The following ARHGAP10 variants were observed in gnomAD, a reference collection of about 807,000 sequenced individuals.
ARHGAP10 encodes rho GTPase-activating protein 10.
In ARHGAP10, 87 loss-of-function variants were observed where a neutral mutation model predicts 108.6. That is an observed-to-expected ratio of 0.80 (90% CI 0.67 to 0.96). The LOEUF (loss-of-function observed/expected upper bound fraction) is 0.96, where lower values mean the gene tolerates loss of function less well. Ranked by LOEUF, ARHGAP10 falls within the 40% of genes least tolerant of loss-of-function variation. The probability of loss-of-function intolerance (pLI) is 0.00; values close to 1 mark genes in which losing one functional copy is unlikely to be tolerated. For synonymous variants in ARHGAP10, 347 were observed against 341.1 expected (o/e 1.02, Z -0.19); for missense variants, 939 against 954.5 (o/e 0.98, Z 0.21).
intron 10 of ARHGAP10, among the ~76,000 whole-genome samples, chr4:147,899,874 G>C (rs62330738): frequency 3.3e-5 from 2 of 61,106 alleles, no homozygotes; most frequent in Non-Finnish European, 1.1e-4. Flanking sequence ...GTTACGTGCT[G>C]GGTTTTTTTT....
chr4:147,995,440 G>A (rs1026605974), intron 18 of ARHGAP10, among the ~76,000 whole-genome samples: 3 of 152,200 alleles, frequency 2.0e-5, no homozygotes, highest in African/African-American at 7.2e-5. Context: ...AGTGTGGAGT[G>A]TGGGAGGAGT....
intron 1 of ARHGAP10, among the ~76,000 whole-genome samples, chr4:147,784,467 AATTTAT>A (rs1211065242): frequency 1.5e-4 from 19 of 124,314 alleles, no homozygotes; most frequent in African/African-American, 3.7e-4. Context: ...TATATTATAT[AATTTAT>A]ATTTATATAT....
At chr4:147,955,510 T>C (rs1738758631) in intron 16 of ARHGAP10, 136 bp downstream of exon 16, 1 of 711,998 alleles carries the variant, frequency 1.4e-6, no homozygotes, top group Non-Finnish European at 2.4e-6. Flanking sequence ...TGATGTTTGG[T>C]GCCTCCCCTC....
chr4:147,979,231 A>G (rs1314833029), intron 18 of ARHGAP10, among the ~76,000 whole-genome samples: 1 of 152,200 alleles, frequency 6.6e-6, no homozygotes, highest in Non-Finnish European at 1.5e-5. Context: ...TTTATTGTAT[A>G]TGATGAGAGG....
chr4:147,859,884 A>T (rs1266375368), intron 5 of ARHGAP10, among the ~76,000 whole-genome samples: 2 of 152,182 alleles, frequency 1.3e-5, no homozygotes, highest in Non-Finnish European at 2.9e-5. Context: ...ACACTTTTTA[A>T]TCTTGCTCTG....
chr4:147,996,145 TTCCACAAAGGTACAGTC>T (rs1359462546), intron 18 of ARHGAP10, among the ~76,000 whole-genome samples: 1 of 152,162 alleles, frequency 6.6e-6, no homozygotes, highest in Non-Finnish European at 1.5e-5. Flanking sequence ...GACTTGCAAC[TTCCACAAAGGTACAGTC>T]TCCTCCTGAT....
At position 147,914,543 on chromosome 4, in the gene ARHGAP10, G is replaced by C. The variant is rs77523887; in HGVS notation, c.1228+1404G>C. Among the ~76,000 whole-genome samples, 174 of 141,792 alleles carry C rather than the reference G, an allele frequency of 1.2e-3. 2 individuals carry two copies. Among genetic ancestry groups the C allele is most frequent in the African/African-American group, 3.3e-3 (119 of 36,452 alleles). The allele number at this position is 141,792 out of a possible 152,430, so 93.0% of individuals were successfully genotyped here. A position where few individuals can be genotyped will look rare whatever the true frequency, so the allele number is the denominator to read the frequency against. Reference sequence around the variant, plus strand: ...TGTCCCTGAGCTATTTTTTAATTACGCATGTTCTGCGCTCCCCCCCCCCCC... The same window carrying C: ...TGTCCCTGAGCTATTTTTTAATTACCCATGTTCTGCGCTCCCCCCCCCCCC... On this transcript the variant is annotated intron_variant, in intron 13 of 22. Transcript: ENST00000336498.
chr4:147,904,156 AGTGTGTT>A (rs1462167608), intron 10 of ARHGAP10, among the ~76,000 whole-genome samples: 2 of 151,852 alleles, frequency 1.3e-5, no homozygotes, highest in African/African-American at 4.8e-5. Flanking sequence ...TGTTCTAGTG[AGTGTGTT>A]GTATTTCATT....
chr4:147,994,799 T>C (rs1740409086), intron 18 of ARHGAP10, among the ~76,000 whole-genome samples: 1 of 152,246 alleles, frequency 6.6e-6, no homozygotes, highest in Non-Finnish European at 1.5e-5. Flanking sequence ...TTGATTTCTC[T>C]GGAATGTCAT....
chr4:148,042,067 T>C (rs1728656133), intron 19 of ARHGAP10, among the ~76,000 whole-genome samples: 1 of 152,196 alleles, frequency 6.6e-6, no homozygotes, highest in Non-Finnish European at 1.5e-5. Context: ...TACTGCCACG[T>C]GGATTTTTTA....
intron 18 of ARHGAP10, among the ~76,000 whole-genome samples, chr4:148,001,722 A>G (rs927148309): frequency 4.0e-5 from 6 of 151,878 alleles, no homozygotes; most frequent in Non-Finnish European, 5.9e-5. Flanking sequence ...TTTGTCTGTT[A>G]TTGGTGTATA....
At chr4:147,882,794 C>T (rs1735382927) in intron 10 of ARHGAP10, among the ~76,000 whole-genome samples, 1 of 152,122 alleles carries the variant, frequency 6.6e-6, no homozygotes. Context: ...ATCAGTATTA[C>T]TACTTGTCTG....
chr4:147,904,159 G>A (rs935212063), intron 10 of ARHGAP10, among the ~76,000 whole-genome samples: 5 of 152,200 alleles, frequency 3.3e-5, no homozygotes, highest in Middle Eastern at 3.4e-3. Flanking sequence ...TCTAGTGAGT[G>A]TGTTGTATTT....
At chr4:148,023,618 C>G (rs540820753) in intron 19 of ARHGAP10, among the ~76,000 whole-genome samples, 1 of 152,288 alleles carries the variant, frequency 6.6e-6, no homozygotes, top group East Asian at 1.9e-4. Flanking sequence ...CTTTGTTATG[C>G]ATGGTTCTTT....
intron 1 of ARHGAP10, among the ~76,000 whole-genome samples, chr4:147,798,856 C>A (rs1423970233): frequency 6.9e-6 from 1 of 145,222 alleles, no homozygotes; most frequent in African/African-American, 2.7e-5. Flanking sequence ...TGTGCTACTT[C>A]CTTTAGTCTC....
rs531826193 is a variant in ARHGAP10 at position 147,958,532 on chromosome 4, C to A, written c.1450+3158C>A. Among the ~76,000 whole-genome samples the A allele has an allele frequency of 1.6e-4, 25 of 152,156 alleles. 1 individual carries two copies. Among genetic ancestry groups the A allele is most frequent in the Non-Finnish European group, 3.5e-4 (24 of 68,030 alleles). ...GTTTTTGATAAACATATCTGGGAAG[C>A]AAGACAAAAATCATGTGATTCTTGC... On this transcript the variant is annotated intron_variant, in intron 16 of 22. Transcript: ENST00000336498.
At chr4:147,884,826 C>T (rs1735477487) in intron 10 of ARHGAP10, among the ~76,000 whole-genome samples, 1 of 152,190 alleles carries the variant, frequency 6.6e-6, no homozygotes, top group Admixed American at 6.5e-5. Flanking sequence ...TGAGATGGGG[C>T]AACGGCCTGA....
chr4:148,071,596 AC>A lies in ARHGAP10; in HGVS notation c.2273-396del, dbSNP rs1202282874. The stretch of plus-strand genomic sequence containing the variant: ...GCGCCACCGCACTCCAGCCTGGGCG[AC>A]AGAGCGAGACTCCCTCTCAGGAAGA... On this transcript the variant is annotated intron_variant, in intron 22 of 22. Coordinates refer to ENST00000336498, the MANE Select transcript of ARHGAP10 (RefSeq NM_024605.4). Among the ~76,000 whole-genome samples, 12 of 152,164 alleles carry A rather than the reference AC, an allele frequency of 7.9e-5. No homozygotes were observed. The South Asian group carries it at 2.5e-3, about 32-fold the overall frequency.
chr4:147,810,470 T>G (rs1311657893), intron 1 of ARHGAP10, among the ~76,000 whole-genome samples: 1 of 152,248 alleles, frequency 6.6e-6, no homozygotes, highest in Non-Finnish European at 1.5e-5. Flanking sequence ...TGAAGATGTC[T>G]TACATGAACC....
Sources: allele counts gnomAD v4.1 joint callset (sites outside exome capture counted in the v4.1 genomes callset), GRCh38; gene constraint gnomAD v4.1.1; transcripts MANE v1.5; gene names NCBI Gene and HGNC (gene_info 2026-07-23, HGNC 2026-07-21).